COMT: variants seen among roughly 807,000 people sequenced by gnomAD.
COMT encodes catechol O-methyltransferase.
A neutral mutation model predicts 18.9 loss-of-function variants in COMT; 13 were observed. That is an observed-to-expected ratio of 0.69 (90% CI 0.45 to 1.09). The LOEUF (loss-of-function observed/expected upper bound fraction) is 1.09. COMT is among the 50% of genes least tolerant of loss of function. The probability of loss-of-function intolerance (pLI) is 0.00; values close to 1 mark genes in which losing one functional copy is unlikely to be tolerated. For synonymous variants in COMT, 150 were observed against 160.9 expected (o/e 0.93, Z 0.51); for missense variants, 329 against 361.8 (o/e 0.91, Z 0.73).
Position 19,941,883 on chromosome 22 carries a change from G to A in COMT, c.-106G>A. ...CCGGGGCGGGTCCAGTCCCGGGCGG[G>A]CCGTCGCGGGAGAGGTGAGAGCGCT... On this transcript the variant is annotated 5_prime_UTR_variant, in exon 1 of 6. Coordinates refer to ENST00000361682, the MANE Select transcript of COMT (RefSeq NM_000754.4). The A allele has an allele frequency of 2.2e-6, 3 of 1,365,382 alleles. No individual in the cohort carries two copies. Among genetic ancestry groups the A allele is most frequent in the South Asian group, 3.3e-5 (2 of 61,008 alleles). The allele number at this position is 1,365,382 out of a possible 1,614,324, so 84.6% of individuals were successfully genotyped here.
chr22:19,962,307 G>C (rs1285731323), intron 2 of COMT: 11 of 702,368 alleles, frequency 1.6e-5, no homozygotes, highest in Admixed American at 2.7e-5. Context: ...AGGACTGCCA[G>C]AGGCACACAC....
chr22:19,948,324 G>C (rs1194008988), intron 1 of COMT, among the ~76,000 whole-genome samples: 3 of 152,044 alleles, frequency 2.0e-5, no homozygotes, highest in Non-Finnish European at 4.4e-5. Flanking sequence ...GGTCTTCCAG[G>C]GGCCCTCCAG....
At chr22:19,955,852 T>G (rs1942045549) in intron 1 of COMT, among the ~76,000 whole-genome samples, 1 of 152,216 alleles carries the variant, frequency 6.6e-6, no homozygotes, top group Non-Finnish European at 1.5e-5. Context: ...GTTGGCCCTC[T>G]GTGGAGAACG....
At chr22:19,952,877 G>A (rs564190137) in intron 1 of COMT, among the ~76,000 whole-genome samples, 1 of 151,870 alleles carries the variant, frequency 6.6e-6, no homozygotes, top group African/African-American at 2.4e-5. Flanking sequence ...CTTGAACCCA[G>A]GAGGCGGAGG....
At chr22:19,948,003 T>G (rs1569125153) in intron 1 of COMT, among the ~76,000 whole-genome samples, 1 of 152,320 alleles carries the variant, frequency 6.6e-6, no homozygotes, top group East Asian at 1.9e-4. Flanking sequence ...ACCGTGTCCC[T>G]TCAGCTCTTA....
chr22:19,950,248 T>C (rs1360156382), intron 1 of COMT, among the ~76,000 whole-genome samples: 19 of 114,746 alleles, frequency 1.7e-4, no homozygotes, highest in African/African-American at 3.1e-4. Context: ...TTTCTTTTTT[T>C]TTTTTTTTTT....
intron 5 of COMT, chr22:19,964,864 T>G (rs1942306534): frequency 3.9e-6 from 1 of 258,346 alleles, no homozygotes; most frequent in Non-Finnish European, 7.6e-6. Flanking sequence ...CACAGACTGA[T>G]GCTTAAGGAG....
chr22:19,958,166 A>AT (rs361708), intron 1 of COMT, among the ~76,000 whole-genome samples: 59,577 of 139,052 alleles, frequency 0.43, 13,280 homozygotes, highest in Middle Eastern at 0.5. Context: ...AGCATGTTTA[A>AT]TTTTTTTTTT....
intron 1 of COMT, among the ~76,000 whole-genome samples, chr22:19,956,512 G>C (rs1335576864): frequency 6.6e-6 from 1 of 151,816 alleles, no homozygotes; most frequent in African/African-American, 2.4e-5. Flanking sequence ...GAGTAGCTGG[G>C]ACTAACAGGT....
In COMT at chr22:19,967,485, G is replaced by C. The variant is rs188300184; in HGVS notation, c.616-1051G>C. The C allele has an allele frequency of 8.0e-5, 35 of 440,016 alleles. 1 individual carries two copies. In the East Asian group the frequency reaches 2.5e-3, roughly 31 times the overall value. The allele number at this position is 440,016 out of a possible 1,614,324, so 27.3% of individuals were successfully genotyped here. A position where few individuals can be genotyped will look rare whatever the true frequency, so the allele number is the denominator to read the frequency against. ...CTTGGGGCTGTCCCCTGACCTCACT[G>C]ACCTTGCAGCCGTGTGGTGTCCATA... On this transcript the variant is annotated intron_variant, in intron 5 of 5. Coordinates refer to ENST00000361682, the MANE Select transcript of COMT (RefSeq NM_000754.4).
chr22:19,944,467 C>T (rs963641570), intron 1 of COMT, among the ~76,000 whole-genome samples: 3 of 151,580 alleles, frequency 2.0e-5, no homozygotes, highest in African/African-American at 7.3e-5. Flanking sequence ...AGGTGGGGGG[C>T]TGCAGTAAGC....
chr22:19,965,872 TC>T (rs1487997523), intron 5 of COMT, among the ~76,000 whole-genome samples: 31 of 152,076 alleles, frequency 2.0e-4, no homozygotes, highest in Non-Finnish European at 3.4e-4. Flanking sequence ...GGAGGGGGGC[TC>T]ACCCCTGACA....
intron 1 of COMT, among the ~76,000 whole-genome samples, chr22:19,942,508 G>A (rs906150057): frequency 6.6e-6 from 1 of 152,170 alleles, no homozygotes; most frequent in African/African-American, 2.4e-5. Flanking sequence ...TGTGTGGTGT[G>A]CAGGACCACG....
intron 1 of COMT, among the ~76,000 whole-genome samples, chr22:19,958,277 G>A (rs905845044): frequency 9.3e-5 from 14 of 150,172 alleles, no homozygotes; most frequent in South Asian, 2.1e-4. Context: ...TGATCCTCCC[G>A]CCTCAGCCTC....
At chr22:19,964,972 G>A (rs960031165) in intron 5 of COMT, 11 of 175,294 alleles carry the variant, frequency 6.3e-5, no homozygotes, top group South Asian at 5.1e-4. Flanking sequence ...CCACCCTCAC[G>A]GCCTCCCCAC....
chr22:19,952,953 A>AAAAT (rs368190455), intron 1 of COMT, among the ~76,000 whole-genome samples: 18 of 139,634 alleles, frequency 1.3e-4, no homozygotes, highest in East Asian at 6.3e-4. Context: ...CCCGTCTCAA[A>AAAAT]AAATAAATAA....
At chr22:19,963,500 C>A (rs1336973602) in intron 3 of COMT, 66 bp from the exon 4 acceptor site, 12 of 1,565,678 alleles carry the variant, frequency 7.7e-6, no homozygotes, top group Admixed American at 3.4e-5. Context: ...GGGGGCCGTG[C>A]CTGGGGATCC....
intron 1 of COMT, among the ~76,000 whole-genome samples, chr22:19,958,785 G>T (rs116375524): frequency 6.6e-6 from 1 of 151,386 alleles, no homozygotes; most frequent in Middle Eastern, 3.2e-3. Flanking sequence ...CAGCTACTTG[G>T]GGGGGCTGAG....
rs946982480 is a variant in COMT at position 19,960,166 on chromosome 22, G to T, written c.-91-1033G>T. 4.6e-5 allele frequency among the ~76,000 whole-genome samples: 7 copies of T among 152,200 alleles called. 1 individual carries two copies. In the East Asian group the frequency reaches 1.3e-3, roughly 29 times the overall value. ...ACAATTCAAGTATTAACGCAGATTT[G>T]GATTTATAATTTGGGACTCCAAGGT... is the stretch of plus-strand genomic sequence containing the variant. On this transcript the variant is annotated intron_variant, in intron 1 of 5. Coordinates refer to ENST00000361682, the MANE Select transcript of COMT (RefSeq NM_000754.4).
Sources: gnomAD v4.1 joint callset for allele counts (sites outside exome capture counted in the v4.1 genomes callset) on GRCh38, gnomAD v4.1.1 for gene constraint, MANE v1.5 for transcripts, NCBI Gene and HGNC (gene_info 2026-07-23, HGNC 2026-07-21) for gene names.